LRRTM4: variants seen among roughly 807,000 people sequenced by gnomAD.
LRRTM4 encodes the protein leucine-rich repeat transmembrane neuronal protein 4.
LRRTM4 carries 25 observed loss-of-function variants against 47.6 expected under a neutral mutation model. The observed-to-expected ratio is 0.53, with a 90% CI of 0.38 to 0.73. LRRTM4 has a LOEUF of 0.73. Ranked by LOEUF, LRRTM4 falls within the 30% of genes least tolerant of loss-of-function variation. The pLI is 0.00. For synonymous variants in LRRTM4, 311 were observed against 269.5 expected (o/e 1.15, Z -1.51); for missense variants, 638 against 713.4 (o/e 0.89, Z 1.20).
chr2:77,345,767 TCA>T (rs1671537789), intron 3 of LRRTM4, among the ~76,000 whole-genome samples: 1 of 151,424 alleles, frequency 6.6e-6, no homozygotes, highest in African/African-American at 2.4e-5. Flanking sequence ...AAATATACAT[TCA>T]CCATATGAAT....
intron 3 of LRRTM4, among the ~76,000 whole-genome samples, chr2:76,898,800 T>A (rs1673514738): frequency 6.6e-6 from 1 of 150,948 alleles, no homozygotes; most frequent in African/African-American, 2.4e-5. Flanking sequence ...TTATATATAA[T>A]AGAGATTTTA....
chr2:76,998,837 C>A (rs533476731), intron 3 of LRRTM4, among the ~76,000 whole-genome samples: 169 of 151,632 alleles, frequency 1.1e-3, no homozygotes, highest in Admixed American at 2.4e-3. Flanking sequence ...GACTTATAGC[C>A]CCTTTGTGGT....
intron 3 of LRRTM4, among the ~76,000 whole-genome samples, chr2:77,221,652 C>A (rs558969223): frequency 2.6e-5 from 4 of 152,000 alleles, no homozygotes; most frequent in South Asian, 4.2e-4. Flanking sequence ...ACAAGAAGAG[C>A]TAACTATCCT....
intron 3 of LRRTM4, among the ~76,000 whole-genome samples, chr2:77,450,525 A>T (rs1676216381): frequency 2.0e-5 from 3 of 152,174 alleles, no homozygotes; most frequent in Non-Finnish European, 1.5e-5. Flanking sequence ...CTTTTTGTTT[A>T]TAAAGCTGAA....
chr2:77,020,804 T>C (rs1198818218), intron 3 of LRRTM4, among the ~76,000 whole-genome samples: 1 of 152,152 alleles, frequency 6.6e-6, no homozygotes, highest in Non-Finnish European at 1.5e-5. Flanking sequence ...ACAACGAAGA[T>C]GCTGAGAATT....
Position 76,748,650 on chromosome 2 carries a change from T to C in LRRTM4, c.*45A>G, listed in dbSNP as rs372350079. 6 of 774,560 alleles carry C rather than the reference T, an allele frequency of 7.7e-6. No individual in the cohort carries two copies. Among genetic ancestry groups the C allele is most frequent in the East Asian group, 2.9e-5 (1 of 34,572 alleles). 48.0% of individuals were successfully genotyped at this position (774,560 alleles called of 1,614,324 possible). A position where few individuals can be genotyped will look rare whatever the true frequency, so the allele number is the denominator to read the frequency against. On this transcript the variant is annotated 3_prime_UTR_variant, in exon 4 of 4. Transcript: ENST00000409884. ...CCATTCTCCTTTAAGATGAAGGCCC[T>C]CCCTCCCCCCCATGGAGCTCCCCAG...
At chr2:76,793,550 A>T (rs938967183) in intron 3 of LRRTM4, among the ~76,000 whole-genome samples, 2 of 152,070 alleles carry the variant, frequency 1.3e-5, no homozygotes, top group African/African-American at 2.4e-5. Context: ...GTATTTTTAT[A>T]TGAGAAGCCC....
intron 3 of LRRTM4, among the ~76,000 whole-genome samples, chr2:77,358,404 C>T (rs1186010389): frequency 1.3e-5 from 2 of 152,122 alleles, no homozygotes; most frequent in Non-Finnish European, 2.9e-5. Flanking sequence ...CCGCAACCAA[C>T]CAAGTCTCTT....
In LRRTM4 at chr2:76,748,646, GCCCT is replaced by G; in HGVS notation, c.*45_*48del. 1 of 1,380,562 alleles carries G rather than the reference GCCCT, an allele frequency of 7.2e-7. No homozygotes were observed. The highest frequency in any genetic ancestry group is 1.0e-6 in the Non-Finnish European group (1 of 983,170). The allele number at this position is 1,380,562 out of a possible 1,614,324, so 85.5% of individuals were successfully genotyped here. ...ACACCCATTCTCCTTTAAGATGAAG[GCCCT>G]CCCTCCCCCCCATGGAGCTCCCCAG... is the stretch of plus-strand genomic sequence containing the variant. On this transcript the variant is annotated 3_prime_UTR_variant, in exon 4 of 4. Transcript: ENST00000409884.
chr2:77,480,822 G>GTGTGGA (rs1222517611), intron 3 of LRRTM4, among the ~76,000 whole-genome samples: 3 of 74,518 alleles, frequency 4.0e-5, no homozygotes, highest in South Asian at 5.8e-4. Flanking sequence ...GTGTGTGTGT[G>GTGTGGA]GAGAGAGAGA....
chr2:76,928,905 A>C (rs949711058), intron 3 of LRRTM4, among the ~76,000 whole-genome samples: 3 of 152,116 alleles, frequency 2.0e-5, no homozygotes, highest in Non-Finnish European at 4.4e-5. Context: ...GATTGTTTCT[A>C]TGTTACTCTA....
At chr2:76,796,864 A>T (rs1027705132) in intron 3 of LRRTM4, among the ~76,000 whole-genome samples, 7 of 152,102 alleles carry the variant, frequency 4.6e-5, no homozygotes, top group African/African-American at 1.7e-4. Context: ...AACTGGAAGA[A>T]AGGGTATCAG....
chr2:77,515,723 T>G (rs1679181274), intron 3 of LRRTM4, among the ~76,000 whole-genome samples: 1 of 151,894 alleles, frequency 6.6e-6, no homozygotes, highest in South Asian at 2.1e-4. Flanking sequence ...ATACTTATAC[T>G]ATTCCAAAAA....
intron 3 of LRRTM4, among the ~76,000 whole-genome samples, chr2:76,847,498 T>C (rs1405808796): frequency 1.3e-5 from 2 of 152,096 alleles, no homozygotes; most frequent in African/African-American, 2.4e-5. Flanking sequence ...ATTAGTTTAC[T>C]AAAATTAATT....
At chr2:76,897,909 T>C (rs548098083) in intron 3 of LRRTM4, among the ~76,000 whole-genome samples, 48 of 152,250 alleles carry the variant, frequency 3.2e-4, no homozygotes, top group African/African-American at 1.1e-3. Flanking sequence ...TCCATACTGG[T>C]AGAATTAAGC....
At chr2:77,183,784 G>C (rs990581819) in intron 3 of LRRTM4, among the ~76,000 whole-genome samples, 6 of 152,118 alleles carry the variant, frequency 3.9e-5, no homozygotes, top group African/African-American at 1.4e-4. Flanking sequence ...CCTTTGTAGG[G>C]ACATGGATGA....
intron 3 of LRRTM4, among the ~76,000 whole-genome samples, chr2:77,468,402 A>C (rs952431138): frequency 6.6e-6 from 1 of 152,232 alleles, no homozygotes; most frequent in African/African-American, 2.4e-5. Context: ...GTCTACAAGA[A>C]GACAAGAATG....
chr2:77,341,509 A>G (rs1671372107), intron 3 of LRRTM4, among the ~76,000 whole-genome samples: 1 of 152,054 alleles, frequency 6.6e-6, no homozygotes, highest in Non-Finnish European at 1.5e-5. Flanking sequence ...CCTCTAAAAC[A>G]ATGTTTATCA....
chr2:77,398,027 G>T (rs144696784), intron 3 of LRRTM4, among the ~76,000 whole-genome samples: 2 of 151,876 alleles, frequency 1.3e-5, no homozygotes, highest in South Asian at 4.1e-4. Context: ...TCATCTACCC[G>T]TTAGGCTTTA....
Sources: allele counts gnomAD v4.1 joint callset (sites outside exome capture counted in the v4.1 genomes callset), GRCh38; gene constraint gnomAD v4.1.1; transcripts MANE v1.5; gene names NCBI Gene and HGNC (gene_info 2026-07-23, HGNC 2026-07-21).